The following SYT1 variants were observed in gnomAD, a reference collection of about 807,000 sequenced individuals.
SYT1 encodes synaptotagmin-1.
SYT1 carries 8 observed loss-of-function variants against 44.8 expected under a neutral mutation model. That is an observed-to-expected ratio of 0.18 (90% confidence interval 0.10 to 0.32). The LOEUF is 0.32. Among genes scored for constraint, SYT1 ranks in the 10% least tolerant of loss-of-function variants. SYT1 has a pLI of 1.00. For synonymous variants in SYT1, 154 were observed against 188.8 expected (o/e 0.82, Z 1.51); for missense variants, 286 against 509.3 (o/e 0.56, Z 4.22).
At position 79,217,681 on chromosome 12, in the gene SYT1, T is replaced by G. The variant is rs1358504455; in HGVS notation, c.162T>G (p.Ile54Met). The change falls in exon 4 of 11, where the codon ATT (isoleucine) becomes ATG (methionine). Residue 54 changes from isoleucine to methionine, a missense_variant. By Grantham distance (10) the Ile-to-Met change is conservative. This residue lies in a region of SYT1 where 141 missense variants were observed against 165.7 expected (regional missense o/e 0.85). Coordinates refer to ENST00000261205, the MANE Select transcript of SYT1 (RefSeq NM_005639.3). The stretch of plus-strand genomic sequence containing the variant: ...AGTTTATGAATGAGTTGCATAAAAT[T>G]CCATGTGAGTATTCTATATTAGTAC... ...KEKFMNELHK[I>M]PLPPWALIAI... 1 of 1,611,960 alleles carries G rather than the reference T, an allele frequency of 6.2e-7. No homozygotes were observed. Among genetic ancestry groups the G allele is most frequent in the South Asian group, 1.1e-5 (1 of 90,850 alleles).
intron 7 of SYT1, 88 bp downstream of exon 7, chr12:79,296,324 T>C (rs1879873173): frequency 1.5e-6 from 2 of 1,340,024 alleles, no homozygotes; most frequent in Non-Finnish European, 2.0e-6. Context: ...GACATGCACA[T>C]GAATGCTTGT....
chr12:78,893,943 G>T (rs1255232411), intron 1 of SYT1, among the ~76,000 whole-genome samples: 1 of 151,726 alleles, frequency 6.6e-6, no homozygotes, highest in African/African-American at 2.4e-5. Flanking sequence ...GGCTTGGAAT[G>T]AGGAGGCTAG....
chr12:79,408,572 G>A (rs1291051835), intron 9 of SYT1, among the ~76,000 whole-genome samples: 1 of 152,054 alleles, frequency 6.6e-6, no homozygotes, highest in Admixed American at 6.6e-5. Context: ...CTTTACAAAG[G>A]GTTCAGTAAG....
chr12:79,009,226 C>CT (rs1871274336), intron 2 of SYT1, among the ~76,000 whole-genome samples: 1 of 152,142 alleles, frequency 6.6e-6, no homozygotes, highest in African/African-American at 2.4e-5. Flanking sequence ...TCTATGATTA[C>CT]TGTGTATCGT....
intron 2 of SYT1, among the ~76,000 whole-genome samples, chr12:79,038,393 C>T (rs1238903298): frequency 6.6e-6 from 1 of 151,602 alleles, no homozygotes; most frequent in Non-Finnish European, 1.5e-5. Context: ...GTCCAGGATC[C>T]AATCTAGAAT....
At chr12:79,156,882 C>T (rs955368694) in intron 3 of SYT1, among the ~76,000 whole-genome samples, 4 of 152,106 alleles carry the variant, frequency 2.6e-5, no homozygotes, top group African/African-American at 4.8e-5. Context: ...TCCTACTTGG[C>T]GAGCATGACT....
At chr12:78,973,937 AAATATATATATATATATAT>A (rs1868605035) in intron 1 of SYT1, among the ~76,000 whole-genome samples, 3 of 23,252 alleles carry the variant, frequency 1.3e-4, no homozygotes, top group African/African-American at 4.2e-4. Flanking sequence ...AAAAAAAAAA[AAATATATATATATATATAT>A]ATATATATAT....
intron 1 of SYT1, among the ~76,000 whole-genome samples, chr12:78,947,228 T>C (rs1878706326): frequency 6.6e-6 from 1 of 152,214 alleles, no homozygotes; most frequent in Admixed American, 6.5e-5. Flanking sequence ...GCTTATTTCT[T>C]GAGCTTTTAG....
At chr12:79,198,721 TA>T (rs1301143931) in intron 3 of SYT1, among the ~76,000 whole-genome samples, 2 of 152,132 alleles carry the variant, frequency 1.3e-5, no homozygotes, top group East Asian at 3.9e-4. Flanking sequence ...GAGATGGAGA[TA>T]AAAGCTTCAG....
In SYT1 at chr12:78,959,203, T is replaced by TA. The variant is rs572474645; in HGVS notation, c.-216-18589dup. Among the ~76,000 whole-genome samples the TA allele has an allele frequency of 1.3e-3, 192 of 152,154 alleles. 1 individual carries two copies. Among genetic ancestry groups the TA allele is most frequent in the Admixed American group, 3.2e-3 (49 of 15,254 alleles). ...GTTATGAAATAAAAGACTAAAACCT[T>TA]AAAAAAATACAGCATGTATATACGT... On this transcript the variant is annotated intron_variant, in intron 1 of 10. Coordinates refer to ENST00000261205, the MANE Select transcript of SYT1 (RefSeq NM_005639.3).
In SYT1 at chr12:79,338,586, C is replaced by CT. The variant is rs562271383; in HGVS notation, c.811-14906dup. ...CCACACCTGACCAACTAAAATTTCT[C>CT]TTTTTTTTTTCTTCAATCCCTCCCT... On this transcript the variant is annotated intron_variant, in intron 8 of 10. Coordinates refer to ENST00000261205, the MANE Select transcript of SYT1 (RefSeq NM_005639.3). 1.1e-4 allele frequency among the ~76,000 whole-genome samples: 17 copies of CT among 149,160 alleles called. 1 individual carries two copies. The highest frequency in any genetic ancestry group is 2.0e-4 in the East Asian group (1 of 5,082).
intron 1 of SYT1, among the ~76,000 whole-genome samples, chr12:78,899,659 A>G (rs1875552733): frequency 6.6e-6 from 1 of 151,868 alleles, no homozygotes; most frequent in South Asian, 2.1e-4. Flanking sequence ...TTTGAAATTT[A>G]ATGTAGCGCT....
intron 4 of SYT1, among the ~76,000 whole-genome samples, chr12:79,245,627 T>G (rs1029547935): frequency 1.3e-5 from 2 of 151,598 alleles, no homozygotes; most frequent in African/African-American, 4.8e-5. Flanking sequence ...CAGAAAATAA[T>G]TATGCAATTT....
At chr12:79,386,146 T>C (rs998558244) in intron 9 of SYT1, among the ~76,000 whole-genome samples, 1 of 152,170 alleles carries the variant, frequency 6.6e-6, no homozygotes. Context: ...TAAAATTACT[T>C]TAAACCATTC....
rs543252584 is a variant in SYT1, at chr12:79,170,692, T to A, written c.-17-46811T>A. On this transcript the variant is annotated intron_variant, in intron 3 of 10. Transcript: ENST00000261205. The stretch of plus-strand genomic sequence containing the variant: ...ATAGTTTCTTTTGCTGTGCAGAAGC[T>A]CTTTAGTTTAATTAGGTCCTATTTG... Among the ~76,000 whole-genome samples the A allele has an allele frequency of 2.0e-5, 3 of 152,276 alleles. No individual in the cohort carries two copies. The South Asian group carries it at 6.2e-4, about 32-fold the overall frequency.
intron 3 of SYT1, among the ~76,000 whole-genome samples, chr12:79,139,673 T>C (rs1454510483): frequency 2.0e-5 from 3 of 152,250 alleles, no homozygotes; most frequent in African/African-American, 4.8e-5. Flanking sequence ...AATACGCTTC[T>C]ACTAAAACCA....
chr12:79,134,038 A>G (rs1869025968), intron 3 of SYT1, among the ~76,000 whole-genome samples: 1 of 152,168 alleles, frequency 6.6e-6, no homozygotes, highest in African/African-American at 2.4e-5. Context: ...ACTCTTTCCA[A>G]TAAAAAGTCC....
intron 3 of SYT1, among the ~76,000 whole-genome samples, chr12:79,164,833 A>G (rs1449089415): frequency 6.6e-6 from 1 of 152,024 alleles, no homozygotes; most frequent in Admixed American, 6.6e-5. Context: ...GGAAATGGTG[A>G]TGTAGACAGA....
At chr12:79,015,425 G>A (rs1422468267) in intron 2 of SYT1, among the ~76,000 whole-genome samples, 2 of 151,880 alleles carry the variant, frequency 1.3e-5, no homozygotes, top group African/African-American at 2.4e-5. Context: ...TTATAGGTGT[G>A]CACATCAATT....
Sources: gnomAD v4.1 joint callset for allele counts (sites outside exome capture counted in the v4.1 genomes callset) on GRCh38, gnomAD v4.1.1 for gene constraint, gnomAD v4.1.1 regional missense constraint, MANE v1.5 for transcripts, NCBI Gene and HGNC (gene_info 2026-07-23, HGNC 2026-07-21) for gene names.